ANKRD31: variants seen among roughly 807,000 people sequenced by gnomAD.
ANKRD31 encodes ankyrin repeat domain 31.
ANKRD31 carries 147 observed loss-of-function variants against 186.0 expected under a neutral mutation model. The observed-to-expected ratio is 0.79, with a 90% CI of 0.69 to 0.91. The LOEUF (loss-of-function observed/expected upper bound fraction) is 0.91, where lower values mean the gene tolerates loss of function less well. Ranked by LOEUF, ANKRD31 falls within the 40% of genes least tolerant of loss-of-function variation. ANKRD31 has a pLI of 0.00. For synonymous variants in ANKRD31, 673 were observed against 736.4 expected (o/e 0.91, Z 1.39); for missense variants, 1,986 against 2,148.8 (o/e 0.92, Z 1.50).
chr5:75,179,620 C>G (rs930395698), intron 10 of ANKRD31, among the ~76,000 whole-genome samples: 2 of 152,072 alleles, frequency 1.3e-5, no homozygotes, highest in Non-Finnish European at 2.9e-5. Context: ...ATAAACAGAA[C>G]CAAAGACAAA....
intron 10 of ANKRD31, among the ~76,000 whole-genome samples, chr5:75,179,086 T>C (rs569663739): frequency 2.6e-5 from 4 of 152,126 alleles, no homozygotes; most frequent in African/African-American, 9.6e-5. Flanking sequence ...CAAACTACCA[T>C]CAGAGAATAC....
At position 75,154,119 on chromosome 5, in the gene ANKRD31, A is replaced by G. The variant is rs1752009731; in HGVS notation, c.1852+82T>C. The G allele has an allele frequency of 2.4e-6, 3 of 1,256,470 alleles. No homozygotes were observed. In the South Asian group the frequency reaches 7.5e-5, roughly 32 times the overall value. 77.8% of individuals were successfully genotyped at this position (1,256,470 alleles called of 1,614,324 possible). ...TTCTCAACACTCATGAGAAAAATAA[A>G]TTTAATTTCTTTAATTCTAAATTAA... On this transcript the variant is annotated intron_variant, in intron 12 of 25. Transcript: ENST00000506364.
intron 17 of ANKRD31, among the ~76,000 whole-genome samples, chr5:75,127,788 G>A (rs910532048): frequency 6.6e-6 from 1 of 152,022 alleles, no homozygotes; most frequent in Admixed American, 6.6e-5. Flanking sequence ...CATTTATTTA[G>A]GTCTTCTTTA....
At chr5:75,231,906 AACAC>A (rs56755264) in intron 1 of ANKRD31, among the ~76,000 whole-genome samples, 20,997 of 144,536 alleles carry the variant, frequency 0.15, 1,591 homozygotes, top group African/African-American at 0.2. Flanking sequence ...ACTGTCTCAA[AACAC>A]ACACACACAC....
rs547413442 is a variant in ANKRD31 at position 75,214,724 on chromosome 5, G to A, written c.289-3859C>T. On this transcript the variant is annotated intron_variant, in intron 3 of 25. Transcript: ENST00000506364. ...GATAGAAGATGGAGGCTGCAAAAGG[G>A]AAAAGGAAAGTGAGATTCAAGTTGT... 1.3e-4 allele frequency among the ~76,000 whole-genome samples: 20 copies of A among 152,284 alleles called. 1 individual carries two copies. The highest frequency in any genetic ancestry group is 4.6e-4 in the Admixed American group (7 of 15,296).
At chr5:75,106,403 G>A (rs547727847) in intron 21 of ANKRD31, among the ~76,000 whole-genome samples, 2 of 152,056 alleles carry the variant, frequency 1.3e-5, no homozygotes, top group East Asian at 1.9e-4. Flanking sequence ...CCAGCAGACT[G>A]GATGTTAAAA....
chr5:75,207,723 C>T (rs1756348698), intron 4 of ANKRD31, among the ~76,000 whole-genome samples: 1 of 151,814 alleles, frequency 6.6e-6, no homozygotes, highest in Non-Finnish European at 1.5e-5. Context: ...ATAAATAAAG[C>T]CTAAAGTAAA....
intron 22 of ANKRD31, among the ~76,000 whole-genome samples, chr5:75,099,238 G>A (rs568603385): frequency 6.6e-6 from 1 of 152,138 alleles, no homozygotes; most frequent in Non-Finnish European, 1.5e-5. Flanking sequence ...TACATTTATT[G>A]ATTTGCGTAT....
intron 10 of ANKRD31, among the ~76,000 whole-genome samples, chr5:75,176,479 C>A (rs184917502): frequency 4.6e-5 from 7 of 152,300 alleles, no homozygotes; most frequent in Non-Finnish European, 7.4e-5. Context: ...TGGCAGGCAC[C>A]CCCAAGTAGG....
At chr5:75,094,752 T>TA (rs1237434781) in intron 22 of ANKRD31, among the ~76,000 whole-genome samples, 4 of 151,900 alleles carry the variant, frequency 2.6e-5, no homozygotes, top group African/African-American at 9.7e-5. Flanking sequence ...CAGACTGGAC[T>TA]AAAAAAAATA....
At chr5:75,096,470 G>C in intron 22 of ANKRD31, among the ~76,000 whole-genome samples, 1 of 151,848 alleles carries the variant, frequency 6.6e-6, no homozygotes, top group South Asian at 2.1e-4. Context: ...TTGCCTGTTC[G>C]CTCTAATGAT....
chr5:75,080,706 A>G, intron 24 of ANKRD31, 67 bp from the exon 25 acceptor site: 2 of 941,380 alleles, frequency 2.1e-6, no homozygotes, highest in Non-Finnish European at 3.1e-6. Context: ...TCAAATCAGG[A>G]TGATGGTCAC....
chr5:75,176,073 A>G (rs1419008330), intron 10 of ANKRD31, among the ~76,000 whole-genome samples: 1 of 152,210 alleles, frequency 6.6e-6, no homozygotes, highest in African/African-American at 2.4e-5. Flanking sequence ...CAAACAGCAC[A>G]CCAGGAGATT....
intron 2 of ANKRD31, among the ~76,000 whole-genome samples, chr5:75,224,132 TATA>T (rs2150311389): frequency 8.3e-5 from 1 of 12,010 alleles, no homozygotes; most frequent in Admixed American, 8.1e-4. Context: ...GAAATAATTA[TATA>T]TATATATATA....
intron 2 of ANKRD31, among the ~76,000 whole-genome samples, chr5:75,228,177 A>G (rs1484577017): frequency 6.6e-6 from 1 of 152,144 alleles, no homozygotes; most frequent in African/African-American, 2.4e-5. Context: ...TGGGAAAAAA[A>G]CCCTGGTTCT....
rs1443081085 is a variant in ANKRD31, at chr5:75,157,642, G to T, written c.1708-3297C>A. ...GACCCATTCAACCATCTTAGCAGAA[G>T]CCAGAAATATAGGTGGGCCTGTGGA... On this transcript the variant is annotated intron_variant, in intron 11 of 25. Transcript: ENST00000506364. Among the ~76,000 whole-genome samples the T allele has an allele frequency of 2.0e-5, 3 of 152,314 alleles. No individual in the cohort carries two copies. The East Asian group carries it at 5.8e-4, about 29-fold the overall frequency.
Position 75,236,760 on chromosome 5 carries a change from G to A in ANKRD31, c.-74C>T. The A allele has an allele frequency of 4.4e-6, 5 of 1,132,970 alleles. No homozygotes were observed. The highest frequency in any genetic ancestry group is 4.9e-6 in the Non-Finnish European group (4 of 808,460). The allele number at this position is 1,132,970 out of a possible 1,614,324, so 70.2% of individuals were successfully genotyped here. ...GCCCGCAAACAAAAAAACGCTTTGA[G>A]GGCCAGGGGAAATTGTGAATTAAAA... On this transcript the variant is annotated 5_prime_UTR_variant, in exon 1 of 26. Transcript: ENST00000506364.
intron 17 of ANKRD31, among the ~76,000 whole-genome samples, chr5:75,124,478 A>G (rs919135895): frequency 6.6e-6 from 1 of 152,186 alleles, no homozygotes; most frequent in African/African-American, 2.4e-5. Context: ...AGATACTTGT[A>G]CTCAAATGTT....
At chr5:75,232,547 C>A (rs1389558977) in intron 1 of ANKRD31, among the ~76,000 whole-genome samples, 1 of 144,498 alleles carries the variant, frequency 6.9e-6, no homozygotes, top group Non-Finnish European at 1.5e-5. Flanking sequence ...AGCGACTGCA[C>A]CCAACCAAAT....
Sources: gnomAD v4.1 joint callset for allele counts (sites outside exome capture counted in the v4.1 genomes callset) on GRCh38, gnomAD v4.1.1 for gene constraint, MANE v1.5 for transcripts, NCBI Gene and HGNC (gene_info 2026-07-23, HGNC 2026-07-21) for gene names.